KCNMA1: variants seen among roughly 807,000 people sequenced by gnomAD.
The protein encoded by KCNMA1 is Calcium-activated potassium channel subunit alpha-1.
In KCNMA1, 29 loss-of-function variants were observed where a neutral mutation model predicts 140.0. The ratio of observed to expected loss-of-function variants is 0.21; its 90% confidence interval spans 0.15 to 0.28. KCNMA1 has a LOEUF of 0.28. KCNMA1 is among the 10% of genes least tolerant of loss of function. The pLI, the probability that KCNMA1 is intolerant of heterozygous loss-of-function variation, is 1.00. For missense variants in KCNMA1, 880 were observed against 1,602.2 expected (o/e 0.55, Z 7.70); for synonymous variants, 612 against 611.9 (o/e 1.00, Z 0.00).
chr10:77,178,806 AT>A (rs2098776955), intron 5 of KCNMA1, among the ~76,000 whole-genome samples: 1 of 152,256 alleles, frequency 6.6e-6, no homozygotes, highest in South Asian at 2.1e-4. Context: ...ACAGACGGAC[AT>A]ATGAGTTCTC....
At chr10:77,388,916 G>A (rs2095711265) in intron 2 of KCNMA1, among the ~76,000 whole-genome samples, 1 of 152,114 alleles carries the variant, frequency 6.6e-6, no homozygotes, top group African/African-American at 2.4e-5. Context: ...GCAGTGCTAT[G>A]GAAACAGCTG....
intron 1 of KCNMA1, chr10:77,433,921 C>T (rs964730575): frequency 2.0e-5 from 3 of 152,174 alleles, no homozygotes; most frequent in Non-Finnish European, 4.4e-5. Flanking sequence ...CCTAATGGTC[C>T]CGAGGCTGAT....
chr10:76,896,929 T>C (rs560940372), intron 25 of KCNMA1, among the ~76,000 whole-genome samples: 4 of 151,874 alleles, frequency 2.6e-5, no homozygotes, highest in African/African-American at 7.3e-5. Flanking sequence ...CTCATTTTTT[T>C]AAAATAAATA....
chr10:77,503,622 C>T (rs1412903116), intron 1 of KCNMA1, among the ~76,000 whole-genome samples: 1 of 152,228 alleles, frequency 6.6e-6, no homozygotes, highest in Non-Finnish European at 1.5e-5. Flanking sequence ...CTGAAGTCAG[C>T]TGTCCTTGTG....
At chr10:77,063,666 C>G in intron 14 of KCNMA1, 2 of 902,188 alleles carry the variant, frequency 2.2e-6, no homozygotes, top group South Asian at 1.0e-4. Context: ...CAACGACAAC[C>G]AATAGACTTA....
At chr10:77,114,207 T>C (rs920868452) in intron 6 of KCNMA1, among the ~76,000 whole-genome samples, 2 of 152,222 alleles carry the variant, frequency 1.3e-5, no homozygotes, top group Admixed American at 6.5e-5. Context: ...CTGGTGTTCC[T>C]TGAGTGGATC....
At chr10:77,027,993 C>T (rs765305824) in intron 15 of KCNMA1, 102 bp from the exon 16 acceptor site, 81 of 1,023,484 alleles carry the variant, frequency 7.9e-5, no homozygotes, top group Admixed American at 1.8e-4. Flanking sequence ...CAGTCATTAC[C>T]GAGGGGATCC....
intron 1 of KCNMA1, among the ~76,000 whole-genome samples, chr10:77,470,579 A>G (rs1156598209): frequency 3.3e-5 from 5 of 152,228 alleles, no homozygotes; most frequent in Admixed American, 1.3e-4. Context: ...GAGAAGAAAA[A>G]GAAGAATCTA....
At chr10:77,421,070 G>A (rs1322267264) in intron 1 of KCNMA1, among the ~76,000 whole-genome samples, 1 of 152,198 alleles carries the variant, frequency 6.6e-6, no homozygotes. Flanking sequence ...TGGCACATCT[G>A]GCCTTTGCCA....
intron 1 of KCNMA1, among the ~76,000 whole-genome samples, chr10:77,621,546 AC>A (rs1491006037): frequency 2.1e-5 from 3 of 140,362 alleles, no homozygotes; most frequent in Non-Finnish European, 4.6e-5. Context: ...ACACACACAC[AC>A]CCCTCTCTCA....
intron 10 of KCNMA1, among the ~76,000 whole-genome samples, chr10:77,089,253 G>C (rs955283342): frequency 1.3e-5 from 2 of 152,206 alleles, no homozygotes; most frequent in African/African-American, 4.8e-5. Flanking sequence ...CCACCAAACA[G>C]GGAGTTTGTA....
In KCNMA1 at chr10:77,258,781, G is replaced by A. The variant is rs889698805; in HGVS notation, c.541-7525C>T. Among the ~76,000 whole-genome samples the A allele has an allele frequency of 1.2e-4, 18 of 152,066 alleles. No individual in the cohort carries two copies. In the East Asian group the frequency reaches 2.9e-3, roughly 25 times the overall value. ...AGCTCAAGACCAGCCTGGCCAATACGGTGAAACCCCATCTCTACTAAAAAT... is the reference window on the plus strand; with the variant it reads ...AGCTCAAGACCAGCCTGGCCAATACAGTGAAACCCCATCTCTACTAAAAAT... On this transcript the variant is annotated intron_variant, in intron 2 of 27. Coordinates refer to ENST00000286628, the MANE Select transcript of KCNMA1 (RefSeq NM_001161352.2).
intron 26 of KCNMA1, chr10:76,889,907 T>C (rs531941008): frequency 6.0e-5 from 23 of 381,036 alleles, no homozygotes; most frequent in African/African-American, 4.8e-4. Flanking sequence ...TATGCTCAGC[T>C]GAGGAGATGA....
At chr10:77,139,054 T>G (rs2098113855) in intron 5 of KCNMA1, among the ~76,000 whole-genome samples, 1 of 152,206 alleles carries the variant, frequency 6.6e-6, no homozygotes, top group Admixed American at 6.5e-5. Flanking sequence ...ACTCACTGGC[T>G]CACTACCAAG....
chr10:77,258,316 C>T (rs1344272022), intron 2 of KCNMA1, among the ~76,000 whole-genome samples: 1 of 152,184 alleles, frequency 6.6e-6, no homozygotes, highest in East Asian at 1.9e-4. Flanking sequence ...TCCATAGACA[C>T]TCAGATTCAT....
chr10:77,358,351 T>C (rs1348073419), intron 2 of KCNMA1, among the ~76,000 whole-genome samples: 1 of 152,190 alleles, frequency 6.6e-6, no homozygotes, highest in Admixed American at 6.5e-5. Context: ...ATTCACTGAC[T>C]TATCTGTAGT....
At chr10:77,189,292 T>C (rs1023632052) in intron 3 of KCNMA1, among the ~76,000 whole-genome samples, 3 of 152,110 alleles carry the variant, frequency 2.0e-5, no homozygotes, top group Non-Finnish European at 2.9e-5. Context: ...GATGATTCAG[T>C]GTTTGAGCCA....
At chr10:77,628,941 CT>C (rs1409688246) in intron 1 of KCNMA1, among the ~76,000 whole-genome samples, 2 of 152,178 alleles carry the variant, frequency 1.3e-5, no homozygotes, top group African/African-American at 4.8e-5. Flanking sequence ...TGTGAATTCG[CT>C]TTGAAATGCC....
At chr10:76,878,161 A>T (rs959531741) in intron 29 of KCNMA1, among the ~76,000 whole-genome samples, 1 of 152,126 alleles carries the variant, frequency 6.6e-6, no homozygotes, top group African/African-American at 2.4e-5. Flanking sequence ...GAGGGATTGG[A>T]GAATGGACTC....
Sources: gnomAD v4.1 joint callset for allele counts (sites outside exome capture counted in the v4.1 genomes callset) on GRCh38, gnomAD v4.1.1 for gene constraint, MANE v1.5 for transcripts, NCBI Gene and HGNC (gene_info 2026-07-23, HGNC 2026-07-21) for gene names.